SYN2: variants seen among roughly 807,000 people sequenced by gnomAD.
SYN2 encodes synapsin II, also known as synapsin-2.
Under a neutral mutation model 50.9 loss-of-function variants are expected in SYN2, and 19 were observed. That is an observed-to-expected ratio of 0.37 (90% CI 0.26 to 0.55). SYN2 has a LOEUF of 0.55. Among genes scored for constraint, SYN2 ranks in the 20% least tolerant of loss-of-function variants. SYN2 has a pLI of 0.81. For synonymous variants in SYN2, 255 were observed against 224.9 expected (o/e 1.13, Z -1.20); for missense variants, 587 against 576.4 (o/e 1.02, Z -0.19).
chr3:12,075,857 A>T (rs984458526), intron 1 of SYN2, among the ~76,000 whole-genome samples: 2 of 152,288 alleles, frequency 1.3e-5, no homozygotes, highest in Middle Eastern at 3.4e-3. Flanking sequence ...AAAACAATGA[A>T]TTAGTCACTG....
At chr3:12,024,290 G>T (rs1694208306) in intron 1 of SYN2, among the ~76,000 whole-genome samples, 1 of 151,572 alleles carries the variant, frequency 6.6e-6, no homozygotes, top group African/African-American at 2.4e-5. Context: ...CTAAGTAGCT[G>T]GGATTACAGG....
At chr3:12,132,036 TTTTTTTTC>T (rs1344691098) in intron 1 of SYN2, among the ~76,000 whole-genome samples, 21 of 138,904 alleles carry the variant, frequency 1.5e-4, no homozygotes, top group African/African-American at 6.5e-4. Flanking sequence ...TTTTTTTTCT[TTTTTTTTC>T]TTTTTTTTTT....
In SYN2 at chr3:12,121,935, C is replaced by T. The variant is rs143520598; in HGVS notation, c.378-18716C>T. Among the ~76,000 whole-genome samples the T allele has an allele frequency of 3.8e-3, 574 of 152,258 alleles. 7 individuals are homozygous for T. Among genetic ancestry groups the T allele is most frequent in the African/African-American group, 0.013 (554 of 41,542 alleles). ...GGCAGCAGGCTGGGTTTCTGTATTA[C>T]AGTCTTGAGGCAGAATTCCTTCTTC... On this transcript the variant is annotated intron_variant, in intron 1 of 12. Coordinates refer to ENST00000621198, the MANE Select transcript of SYN2 (RefSeq NM_133625.6).
At chr3:12,033,757 C>T (rs1033921831) in intron 1 of SYN2, among the ~76,000 whole-genome samples, 2 of 152,296 alleles carry the variant, frequency 1.3e-5, no homozygotes, top group East Asian at 3.9e-4. Flanking sequence ...ATAAATGGAA[C>T]CATACAATAT....
intron 1 of SYN2, among the ~76,000 whole-genome samples, chr3:12,041,893 A>C (rs577992408): frequency 6.6e-6 from 1 of 152,254 alleles, no homozygotes; most frequent in African/African-American, 2.4e-5. Flanking sequence ...ATTCATTTCC[A>C]CTTATATCCC....
intron 1 of SYN2, among the ~76,000 whole-genome samples, chr3:12,082,335 G>A (rs576066097): frequency 3.9e-5 from 6 of 152,164 alleles, no homozygotes; most frequent in African/African-American, 1.2e-4. Context: ...TTACAGACCC[G>A]CAGGAGTAAA....
chr3:12,131,610 A>G (rs749737526), intron 1 of SYN2, among the ~76,000 whole-genome samples: 15 of 151,926 alleles, frequency 9.9e-5, no homozygotes, highest in East Asian at 1.9e-4. Flanking sequence ...AGACAAATGC[A>G]TCTAATCTTC....
At chr3:12,044,181 T>TCTCTCTCTCTCTCACACA (rs573246278) in intron 1 of SYN2, among the ~76,000 whole-genome samples, 6 of 53,406 alleles carry the variant, frequency 1.1e-4, no homozygotes, top group African/African-American at 2.3e-4. Context: ...TCTCTCTCTC[T>TCTCTCTCTCTCTCACACA]CACACACACA....
chr3:12,100,672 G>A (rs1384094064), intron 1 of SYN2, among the ~76,000 whole-genome samples: 1 of 152,034 alleles, frequency 6.6e-6, no homozygotes, highest in Non-Finnish European at 1.5e-5. Flanking sequence ...TATCAGTAAA[G>A]TGAAAAGACA....
At position 12,162,163 on chromosome 3, in the gene SYN2, G is replaced by C; in HGVS notation, c.980+9G>C. On this transcript the variant is annotated intron_variant, in intron 7 of 12. Coordinates refer to ENST00000621198, the MANE Select transcript of SYN2 (RefSeq NM_133625.6). ...AACTACAAGGCTTACATGTGAGTAA[G>C]AGTGGGGTATGTTTTCTCCTCAGTG... 1 of 1,613,888 alleles carries C rather than the reference G, an allele frequency of 6.2e-7. No individual in the cohort carries two copies. Among genetic ancestry groups the C allele is most frequent in the Non-Finnish European group, 8.5e-7 (1 of 1,179,846 alleles).
intron 1 of SYN2, among the ~76,000 whole-genome samples, chr3:12,027,948 ATTC>A (rs908443534): frequency 1.4e-5 from 1 of 73,900 alleles, no homozygotes; most frequent in African/African-American, 3.9e-5. Flanking sequence ...GTTATAAGTA[ATTC>A]TTTTTTTTTT....
At chr3:12,145,011 A>G (rs1697115314) in intron 3 of SYN2, among the ~76,000 whole-genome samples, 1 of 152,198 alleles carries the variant, frequency 6.6e-6, no homozygotes, top group Non-Finnish European at 1.5e-5. Flanking sequence ...AGCCTGGGCA[A>G]CGGAGCAAGA....
At chr3:12,136,388 C>T (rs1177253169) in intron 1 of SYN2, among the ~76,000 whole-genome samples, 1 of 152,168 alleles carries the variant, frequency 6.6e-6, no homozygotes, top group Non-Finnish European at 1.5e-5. Context: ...TCACCATTAG[C>T]CCTATTTTAT....
intron 12 of SYN2, among the ~76,000 whole-genome samples, chr3:12,188,496 G>C (rs1444312558): frequency 6.6e-6 from 1 of 152,214 alleles, no homozygotes; most frequent in Non-Finnish European, 1.5e-5. Flanking sequence ...TGAGGTGACG[G>C]GCAACAAATG....
intron 2 of SYN2, 93 bp from the exon 3 acceptor site, chr3:12,141,812 A>G (rs1697025539): frequency 1.4e-6 from 1 of 732,926 alleles, no homozygotes; most frequent in Admixed American, 1.9e-5. Flanking sequence ...AAAACTGTAT[A>G]TAAATGTTTG....
rs142203993 is a variant in SYN2 at position 12,155,241 on chromosome 3, C to T, written c.774+3915C>T. On this transcript the variant is annotated intron_variant, in intron 5 of 12. Transcript: ENST00000621198. ...ATATAAAAATGACAGGATCTCTGCT[C>T]CCAAGGAGCTTAGAAATGAGTAGGG... is the stretch of plus-strand genomic sequence containing the variant. 5.0e-3 allele frequency among the ~76,000 whole-genome samples: 754 copies of T among 152,278 alleles called. 4 individuals carry two copies. Among genetic ancestry groups the T allele is most frequent in the Non-Finnish European group, 8.1e-3 (550 of 68,032 alleles).
intron 12 of SYN2, 115 bp from the exon 13 acceptor site, chr3:12,190,375 C>G (rs78898049): frequency 5.7e-6 from 7 of 1,222,466 alleles, no homozygotes. Context: ...CCTCCATCAC[C>G]TTGGTTTCCC....
chr3:12,014,966 T>C (rs960339573), intron 1 of SYN2, among the ~76,000 whole-genome samples: 12 of 152,354 alleles, frequency 7.9e-5, no homozygotes, highest in African/African-American at 2.6e-4. Context: ...ATCATTGTGA[T>C]TGGAAAATGT....
chr3:12,130,230 C>CTG (rs976627971), intron 1 of SYN2, among the ~76,000 whole-genome samples: 4 of 85,182 alleles, frequency 4.7e-5, no homozygotes, highest in South Asian at 5.2e-4. Flanking sequence ...GTATGCATCT[C>CTG]TGTGTGCGTG....
Sources: gnomAD v4.1 joint callset for allele counts (sites outside exome capture counted in the v4.1 genomes callset) on GRCh38, gnomAD v4.1.1 for gene constraint, MANE v1.5 for transcripts, NCBI Gene and HGNC (gene_info 2026-07-23, HGNC 2026-07-21) for gene names.